ADAMTS2: variants seen among roughly 807,000 people sequenced by gnomAD.
ADAMTS2 encodes the protein ADAM metallopeptidase with thrombospondin type 1 motif 2.
In ADAMTS2, 50 loss-of-function variants were observed where a neutral mutation model predicts 123.0. The ratio of observed to expected loss-of-function variants is 0.41; its 90% confidence interval spans 0.32 to 0.51. ADAMTS2 has a LOEUF of 0.51. ADAMTS2 is among the 20% of genes least tolerant of loss of function. The probability of loss-of-function intolerance (pLI) is 0.35; values close to 1 mark genes in which losing one functional copy is unlikely to be tolerated. For missense variants in ADAMTS2, 1,494 were observed against 1,705.2 expected, an observed-to-expected ratio of 0.88 and a Z score of 2.18; for synonymous variants, 678 against 695.4, an observed-to-expected ratio of 0.98 and a Z score of 0.39.
intron 11 of ADAMTS2, among the ~76,000 whole-genome samples, chr5:179,139,183 G>T (rs955838242): frequency 1.3e-5 from 2 of 152,022 alleles, no homozygotes; most frequent in African/African-American, 4.8e-5. Context: ...CTCCATGCCA[G>T]CCCCCCCGGG....
Position 179,188,123 on chromosome 5 carries a change from G to A in ADAMTS2, c.892-6968C>T, listed in dbSNP as rs1764217898. 1.3e-5 allele frequency among the ~76,000 whole-genome samples: 2 copies of A among 152,172 alleles called. No individual in the cohort carries two copies. The highest frequency in any genetic ancestry group is 2.1e-4 in the South Asian group (1 of 4,822). ...CACAGAGGAGACAGGCAGGGGCCCT[G>A]GAACAGCAGCCACCCCAACCTTCAG... On this transcript the variant is annotated intron_variant, in intron 4 of 21. Transcript: ENST00000251582. This position sits in a 1 kb window ranked among gnomAD's most constrained non-coding sequence, Gnocchi z 5.1.
At chr5:179,192,012 T>C (rs2113339707) in intron 4 of ADAMTS2, among the ~76,000 whole-genome samples, 1 of 152,190 alleles carries the variant, frequency 6.6e-6, no homozygotes, top group South Asian at 2.1e-4. Flanking sequence ...GGGTCCAGCA[T>C]GCCTAAGTGG....
intron 4 of ADAMTS2, among the ~76,000 whole-genome samples, chr5:179,205,432 T>A (rs1301130287): frequency 2.0e-5 from 3 of 152,210 alleles, no homozygotes; most frequent in African/African-American, 7.2e-5. Flanking sequence ...ACCCCCACGA[T>A]GAAAACACTG....
intron 2 of ADAMTS2, among the ~76,000 whole-genome samples, chr5:179,296,035 G>A (rs1050089677): frequency 5.3e-5 from 8 of 152,230 alleles, no homozygotes; most frequent in African/African-American, 1.4e-4. Flanking sequence ...CACACAGCAC[G>A]TGCCAAGGTG....
intron 2 of ADAMTS2, among the ~76,000 whole-genome samples, chr5:179,297,996 C>T (rs1412272883): frequency 6.6e-6 from 1 of 152,068 alleles, no homozygotes; most frequent in Non-Finnish European, 1.5e-5. Flanking sequence ...TGTCCCTCCT[C>T]CCCAGGGCCC....
chr5:179,344,885 C>T (rs1040522977), intron 1 of ADAMTS2, among the ~76,000 whole-genome samples: 2 of 152,152 alleles, frequency 1.3e-5, no homozygotes, highest in Non-Finnish European at 2.9e-5. Context: ...GCTCCCCCCT[C>T]GGACCCGCTG....
intron 4 of ADAMTS2, among the ~76,000 whole-genome samples, chr5:179,205,241 G>A (rs986084963): frequency 5.9e-5 from 9 of 152,268 alleles, no homozygotes; most frequent in African/African-American, 1.4e-4. Context: ...GACTCACCAC[G>A]GGCCCCACAT....
Position 179,317,925 on chromosome 5 carries a change from T to C in ADAMTS2, c.534+25842A>G, listed in dbSNP as rs1445232503. Among the ~76,000 whole-genome samples, 1 of 152,008 alleles carries C rather than the reference T, an allele frequency of 6.6e-6. No individual in the cohort carries two copies. Among genetic ancestry groups the C allele is most frequent in the East Asian group, 1.9e-4 (1 of 5,168 alleles). ...AACCCAGACTGAAGGTTCCCTGGGG[T>C]CCCTGGGGCTCATCCAGGGCTGGGG... On this transcript the variant is annotated intron_variant, in intron 2 of 21. Coordinates refer to ENST00000251582, the MANE Select transcript of ADAMTS2 (RefSeq NM_014244.5). This position sits in a 1 kb window ranked among gnomAD's most constrained non-coding sequence, Gnocchi z 4.9.
chr5:179,296,136 G>A (rs780612637), intron 2 of ADAMTS2, among the ~76,000 whole-genome samples: 12 of 150,880 alleles, frequency 8.0e-5, no homozygotes, highest in East Asian at 3.9e-4. Flanking sequence ...GGCCTGAGCC[G>A]TGGGGACAGG....
chr5:179,179,295 T>C (rs1763996819), intron 5 of ADAMTS2, among the ~76,000 whole-genome samples: 1 of 152,034 alleles, frequency 6.6e-6, no homozygotes, highest in African/African-American at 2.4e-5. Flanking sequence ...ATTGGATTTT[T>C]TTAGGTTTAT....
At chr5:179,184,627 C>A (rs996670109) in intron 4 of ADAMTS2, among the ~76,000 whole-genome samples, 1 of 152,184 alleles carries the variant, frequency 6.6e-6, no homozygotes, top group Non-Finnish European at 1.5e-5. Context: ...GCCACGGGCC[C>A]CTCACAGGCT....
At chr5:179,320,210 G>T (rs747517286) in intron 2 of ADAMTS2, among the ~76,000 whole-genome samples, 5 of 152,228 alleles carry the variant, frequency 3.3e-5, no homozygotes, top group Non-Finnish European at 7.3e-5. Context: ...CTGTGCTCCT[G>T]GGCAGCAGCT....
At chr5:179,126,238 C>T in intron 17 of ADAMTS2, 108 bp from the exon 18 acceptor site, 1 of 1,496,320 alleles carries the variant, frequency 6.7e-7, no homozygotes, top group Non-Finnish European at 9.2e-7. Context: ...CCTGCTCACC[C>T]TTGTGATGAC....
At chr5:179,302,284 A>G (rs1365527327) in intron 2 of ADAMTS2, among the ~76,000 whole-genome samples, 1 of 147,104 alleles carries the variant, frequency 6.8e-6, no homozygotes, top group Non-Finnish European at 1.5e-5. Context: ...ACACAGTGAA[A>G]CCCCGTCTCT....
chr5:179,299,099 A>G (rs1184055356), intron 2 of ADAMTS2, among the ~76,000 whole-genome samples: 1 of 152,060 alleles, frequency 6.6e-6, no homozygotes, highest in African/African-American at 2.4e-5. Flanking sequence ...AAGAGAGAGC[A>G]ACCATAAACC....
At chr5:179,224,826 C>A (rs1009177865) in intron 3 of ADAMTS2, among the ~76,000 whole-genome samples, 2 of 147,758 alleles carry the variant, frequency 1.4e-5, no homozygotes, top group African/African-American at 5.4e-5. Context: ...GCCACCTCAG[C>A]TCCACGCCCA....
chr5:179,273,346 A>G (rs1048645728), intron 2 of ADAMTS2, among the ~76,000 whole-genome samples: 2 of 152,102 alleles, frequency 1.3e-5, no homozygotes, highest in African/African-American at 4.8e-5. Flanking sequence ...TGTGTTTATA[A>G]AGTCAAAACC....
chr5:179,212,995 C>A (rs1240497618), intron 3 of ADAMTS2, among the ~76,000 whole-genome samples: 1 of 152,168 alleles, frequency 6.6e-6, no homozygotes, highest in Non-Finnish European at 1.5e-5. Context: ...AGCCCGCTGC[C>A]TCCCATGGGA....
intron 2 of ADAMTS2, among the ~76,000 whole-genome samples, chr5:179,337,581 G>T (rs543076544): frequency 1.9e-4 from 29 of 152,334 alleles, no homozygotes; most frequent in Middle Eastern, 3.4e-3. Flanking sequence ...GGACCCCCAG[G>T]GCTGCCCAAG....
Sources: allele counts gnomAD v4.1 joint callset (sites outside exome capture counted in the v4.1 genomes callset), GRCh38; gene constraint gnomAD v4.1.1; non-coding constraint Gnocchi (gnomAD v3.1); transcripts MANE v1.5; gene names NCBI Gene and HGNC (gene_info 2026-07-23, HGNC 2026-07-21).